Variants in FRMPD4 observed in about 807,000 individuals in gnomAD.
FRMPD4 encodes the protein FERM and PDZ domain-containing protein 4.
In FRMPD4, 22 loss-of-function variants were observed where a neutral mutation model predicts 94.1. The ratio of observed to expected loss-of-function variants is 0.23; its 90% CI spans 0.17 to 0.33. The LOEUF (loss-of-function observed/expected upper bound fraction) is 0.33, where lower values mean the gene tolerates loss of function less well. Among genes scored for constraint, FRMPD4 ranks in the 10% least tolerant of loss-of-function variants. The pLI is 1.00. For synonymous variants in FRMPD4, 631 were observed against 548.6 expected (o/e 1.15, Z -2.10); for missense variants, 1,111 against 1,339.9 (o/e 0.83, Z 2.67).
At chrX:11,876,588 T>C (rs959175411) in intron 2 of FRMPD4, among the ~76,000 whole-genome samples, 19 of 111,994 alleles carry the variant, frequency 1.7e-4, no homozygotes, top group African/African-American at 5.8e-4. Flanking sequence ...ATATTCCAAA[T>C]AGCAGGATTT....
chrX:12,114,344 G>A (rs1039557651), intron 3 of FRMPD4, among the ~76,000 whole-genome samples: 1 of 110,774 alleles, frequency 9.0e-6, no homozygotes, highest in South Asian at 3.8e-4. Context: ...TCGTTTTAGC[G>A]TATGTTTTGT....
intron 3 of FRMPD4, among the ~76,000 whole-genome samples, chrX:11,955,744 A>G (rs1340654701): frequency 1.9e-5 from 2 of 105,496 alleles, no homozygotes; most frequent in Non-Finnish European, 3.9e-5. Context: ...TCCGTCTCAA[A>G]AAGAAAAAAA....
intron 1 of FRMPD4, among the ~76,000 whole-genome samples, chrX:12,407,590 T>C (rs2056681456): frequency 8.9e-6 from 1 of 112,426 alleles, no homozygotes; most frequent in Non-Finnish European, 1.9e-5. Context: ...TTGTTTAAGA[T>C]ACACTAGCTA....
intron 1 of FRMPD4, among the ~76,000 whole-genome samples, chrX:12,389,614 G>A (rs977909332): frequency 8.1e-5 from 9 of 111,384 alleles, no homozygotes; most frequent in East Asian, 2.8e-4. Context: ...AATATAACAC[G>A]TTATATCCCA....
intron 1 of FRMPD4, among the ~76,000 whole-genome samples, chrX:12,145,536 C>T (rs7892199): frequency 0.038 from 4,298 of 112,798 alleles, 201 homozygotes; most frequent in African/African-American, 0.13. Context: ...GCTTCATGGC[C>T]TAGGGCCAGG....
intron 1 of FRMPD4, among the ~76,000 whole-genome samples, chrX:12,414,402 A>T (rs2056772772): frequency 1.8e-5 from 2 of 112,524 alleles, no homozygotes; most frequent in Admixed American, 9.4e-5. Flanking sequence ...GCTTTTTATG[A>T]AGTGAAAAAG....
At chrX:12,155,718 C>G (rs1312035736) in intron 1 of FRMPD4, among the ~76,000 whole-genome samples, 1 of 109,663 alleles carries the variant, frequency 9.1e-6, no homozygotes, top group African/African-American at 3.3e-5. Flanking sequence ...CCCAATCTTT[C>G]ATTGTCCAGA....
Position 12,138,791 on chromosome X carries a change from A to AG in FRMPD4, c.-175dup, listed in dbSNP as rs1244005527. On this transcript the variant is annotated 5_prime_UTR_variant, in exon 1 of 17. An upstream open reading frame in the 5' UTR gains an earlier in-frame stop. Transcript: ENST00000675598. ...GGATGCACACGCAGCTCGCGGCCGG[A>AG]GGGGGGTAGCAGCCGCCGCCTCCAG... 2.8e-5 allele frequency: 10 copies of AG among 356,265 alleles called. 1 individual carries two copies. Among genetic ancestry groups the AG allele is most frequent in the Middle Eastern group, 7.4e-4 (1 of 1,345 alleles). 29.4% of individuals were successfully genotyped at this position (356,265 alleles called of 1,213,427 possible).
chrX:12,420,541 A>G (rs1286386016), intron 1 of FRMPD4, among the ~76,000 whole-genome samples: 1 of 111,827 alleles, frequency 8.9e-6, no homozygotes, highest in Non-Finnish European at 1.9e-5. Context: ...AAGGGCTTCC[A>G]TGCTGCCATG....
chrX:12,666,020 C>T (rs2059772730), intron 4 of FRMPD4, among the ~76,000 whole-genome samples: 1 of 108,929 alleles, frequency 9.2e-6, no homozygotes, highest in Non-Finnish European at 1.9e-5. Context: ...GTGCTGTATT[C>T]AGGAGACCCA....
At chrX:12,198,483 CAT>C (rs1406681739) in intron 1 of FRMPD4, among the ~76,000 whole-genome samples, 1 of 112,065 alleles carries the variant, frequency 8.9e-6, no homozygotes, top group African/African-American at 3.2e-5. Flanking sequence ...GTCTTGTGCA[CAT>C]CTGTGTGCAC....
At chrX:11,922,931 T>G (rs1182678198) in intron 3 of FRMPD4, among the ~76,000 whole-genome samples, 1 of 112,884 alleles carries the variant, frequency 8.9e-6, no homozygotes, top group Non-Finnish European at 1.9e-5. Flanking sequence ...TGGCCTCTCC[T>G]GGGGCCCCAG....
At chrX:12,440,779 T>C (rs2057126624) in intron 1 of FRMPD4, among the ~76,000 whole-genome samples, 1 of 110,289 alleles carries the variant, frequency 9.1e-6, no homozygotes, top group Admixed American at 9.6e-5. Flanking sequence ...GTATGCACTA[T>C]AGTGCCCTAT....
chrX:12,500,293 G>A (rs887657117), intron 2 of FRMPD4, among the ~76,000 whole-genome samples: 5 of 111,314 alleles, frequency 4.5e-5, no homozygotes, highest in East Asian at 2.8e-4. Flanking sequence ...CCGGATCACC[G>A]TGAGGTGAGG....
intron 3 of FRMPD4, among the ~76,000 whole-genome samples, chrX:12,031,984 G>A (rs1353358435): frequency 8.9e-6 from 1 of 111,910 alleles, no homozygotes; most frequent in Non-Finnish European, 1.9e-5. Flanking sequence ...GTGGATGAAG[G>A]CATGGGAGAA....
At chrX:12,582,878 A>G (rs1234245723) in intron 2 of FRMPD4, among the ~76,000 whole-genome samples, 3 of 112,041 alleles carry the variant, frequency 2.7e-5, no homozygotes, top group Non-Finnish European at 5.6e-5. Context: ...GGGCGTGCAC[A>G]AAACACTGAC....
chrX:11,829,863 A>G (rs1186168216), intron 1 of FRMPD4, among the ~76,000 whole-genome samples: 1 of 112,210 alleles, frequency 8.9e-6, no homozygotes, highest in Admixed American at 9.4e-5. Context: ...CAATTTATAA[A>G]TTTCTGTTTA....
intron 3 of FRMPD4, among the ~76,000 whole-genome samples, chrX:12,009,765 G>T (rs2054572228): frequency 8.9e-6 from 1 of 112,194 alleles, no homozygotes; most frequent in African/African-American, 3.2e-5. Context: ...GAGAATCAGT[G>T]TAACCAGCAC....
Position 12,055,928 on chromosome X carries a change from T to C in FRMPD4, c.95+177910T>C, listed in dbSNP as rs192573555. Among the ~76,000 whole-genome samples, 215 of 111,834 alleles carry C rather than the reference T, an allele frequency of 1.9e-3. 1 individual carries two copies. The highest frequency in any genetic ancestry group is 6.7e-3 in the African/African-American group (207 of 30,847). Reference sequence around the variant, plus strand: ...TTGTTTGGGCCTTGTGGGTACAGAATTCATAGGAGTTATAGTGAATAAAAT... The same window carrying C: ...TTGTTTGGGCCTTGTGGGTACAGAACTCATAGGAGTTATAGTGAATAAAAT... On this transcript the variant is annotated intron_variant, in intron 3 of 18. Transcript: ENST00000640291.
Sources: allele counts gnomAD v4.1 joint callset (sites outside exome capture counted in the v4.1 genomes callset), GRCh38; gene constraint gnomAD v4.1.1; transcripts MANE v1.5; gene names NCBI Gene and HGNC (gene_info 2026-07-23, HGNC 2026-07-21).